LYPLAL1: variants seen among roughly 807,000 people sequenced by gnomAD.
The protein encoded by LYPLAL1 is lysophospholipase like 1.
A neutral mutation model predicts 19.7 loss-of-function variants in LYPLAL1; 23 were observed. The observed-to-expected ratio is 1.17, with a 90% CI of 0.84 to 1.65. The LOEUF (loss-of-function observed/expected upper bound fraction) is 1.65, where lower values mean the gene tolerates loss of function less well. Ranked by LOEUF, LYPLAL1 falls within the 40% of genes most tolerant of loss-of-function variation. The pLI, the probability that LYPLAL1 is intolerant of heterozygous loss-of-function variation, is 0.00. For synonymous variants in LYPLAL1, 119 were observed against 96.3 expected (o/e 1.24, Z -1.38); for missense variants, 355 against 279.4 (o/e 1.27, Z -1.93).
chr1:219,273,958 C>T, the LYPLAL1 span, among the ~76,000 whole-genome samples: 1 of 152,142 alleles, frequency 6.6e-6, no homozygotes, highest in Non-Finnish European at 1.5e-5. Flanking sequence ...GATGGGATTT[C>T]ACCACATTGG....
chr1:219,356,455 A>T, the LYPLAL1 span, among the ~76,000 whole-genome samples: 1 of 152,296 alleles, frequency 6.6e-6, no homozygotes, highest in East Asian at 1.9e-4. Flanking sequence ...AGTTGAGATC[A>T]CACCATTGCA....
At chr1:219,311,087 A>G in the LYPLAL1 span, among the ~76,000 whole-genome samples, 1 of 151,384 alleles carries the variant, frequency 6.6e-6, no homozygotes, top group East Asian at 1.9e-4. Flanking sequence ...CTTATTCATC[A>G]TATAAAATTA....
the LYPLAL1 span, among the ~76,000 whole-genome samples, chr1:219,440,887 C>A: frequency 6.6e-6 from 1 of 152,120 alleles, no homozygotes; most frequent in Non-Finnish European, 1.5e-5. Flanking sequence ...GCTGACTTCA[C>A]GAAAAAGGAG....
chr1:219,258,581 C>A, the LYPLAL1 span, among the ~76,000 whole-genome samples: 1 of 152,120 alleles, frequency 6.6e-6, no homozygotes. Context: ...ATTGTTGAAT[C>A]TTGACAGTTT....
At chr1:219,275,264 A>C in the LYPLAL1 span, among the ~76,000 whole-genome samples, 10 of 152,196 alleles carry the variant, frequency 6.6e-5, no homozygotes, top group Non-Finnish European at 1.3e-4. Context: ...TGTAACAACT[A>C]CATGGGCTCT....
the LYPLAL1 span, among the ~76,000 whole-genome samples, chr1:219,220,030 A>G: frequency 6.6e-6 from 1 of 152,044 alleles, no homozygotes; most frequent in Non-Finnish European, 1.5e-5. Context: ...TAGCTACTGG[A>G]GGGTTCTCAG....
chr1:219,435,031 A>C, the LYPLAL1 span: 1 of 152,178 alleles, frequency 6.6e-6, no homozygotes, highest in Non-Finnish European at 1.5e-5. Context: ...GAGCATGTAC[A>C]TGCAGCACAC....
chr1:219,224,430 A>G, the LYPLAL1 span, among the ~76,000 whole-genome samples: 3 of 152,092 alleles, frequency 2.0e-5, no homozygotes, highest in East Asian at 5.8e-4. Flanking sequence ...GCTGGTTAAC[A>G]TTGTCTTAGT....
chr1:219,372,651 G>A, the LYPLAL1 span, among the ~76,000 whole-genome samples: 6 of 152,228 alleles, frequency 3.9e-5, no homozygotes, highest in Non-Finnish European at 8.8e-5. Flanking sequence ...TGTAATCCCG[G>A]CAATTTGGGA....
At chr1:219,394,354 A>G in the LYPLAL1 span, among the ~76,000 whole-genome samples, 1 of 152,312 alleles carries the variant, frequency 6.6e-6, no homozygotes, top group Admixed American at 6.5e-5. Flanking sequence ...GTAGATACAT[A>G]ATACTTTATT....
At chr1:219,389,078 G>T in the LYPLAL1 span, among the ~76,000 whole-genome samples, 4 of 151,904 alleles carry the variant, frequency 2.6e-5, no homozygotes, top group Non-Finnish European at 5.9e-5. Context: ...AAATGCATTT[G>T]GTATAAAATG....
the LYPLAL1 span, among the ~76,000 whole-genome samples, chr1:219,235,852 T>C: frequency 6.6e-6 from 1 of 152,180 alleles, no homozygotes; most frequent in Non-Finnish European, 1.5e-5. Flanking sequence ...GTTGACCTTG[T>C]GAAGTTCCAT....
At chr1:219,434,026 A>C in the LYPLAL1 span, among the ~76,000 whole-genome samples, 10 of 152,184 alleles carry the variant, frequency 6.6e-5, no homozygotes, top group Non-Finnish European at 1.3e-4. Flanking sequence ...AAATGCCTCC[A>C]GTAGAATTTT....
the LYPLAL1 span, among the ~76,000 whole-genome samples, chr1:219,312,446 A>C: frequency 2.0e-5 from 3 of 152,120 alleles, no homozygotes; most frequent in South Asian, 6.2e-4. Context: ...GGAGTTGAGG[A>C]GGTCTCAGTG....
rs1558231030 is a variant in LYPLAL1 at position 219,193,067 on chromosome 1, G to T, written c.192-15G>T. On this transcript the variant is annotated splice_polypyrimidine_tract_variant and intron_variant, in intron 2 of 4. Transcript: ENST00000366928. ...TTCCTTTCTTTTTTTTTGGGGGGGG[G>T]CGGTTGTTAAACAGATCATATACTC... 3.3e-6 allele frequency: 5 copies of T among 1,520,544 alleles called. No homozygotes were observed. Among genetic ancestry groups the T allele is most frequent in the Non-Finnish European group, 4.4e-6 (5 of 1,127,704 alleles). The allele number at this position is 1,520,544 out of a possible 1,614,324, so 94.2% of individuals were successfully genotyped here. A position where few individuals can be genotyped will look rare whatever the true frequency, so the allele number is the denominator to read the frequency against.
the LYPLAL1 span, among the ~76,000 whole-genome samples, chr1:219,357,998 G>A: frequency 2.2e-3 from 341 of 152,270 alleles, 2 homozygotes; most frequent in African/African-American, 7.7e-3. Flanking sequence ...TGTAGAGGCA[G>A]TAAGCAGGTC....
chr1:219,353,845 TAACA>T, the LYPLAL1 span, among the ~76,000 whole-genome samples: 1 of 151,926 alleles, frequency 6.6e-6, no homozygotes, highest in African/African-American at 2.4e-5. Flanking sequence ...AAATTGAAAT[TAACA>T]AACAAAAACT....
the LYPLAL1 span, among the ~76,000 whole-genome samples, chr1:219,334,614 G>A: frequency 1.4e-3 from 212 of 151,454 alleles, 1 homozygote; most frequent in African/African-American, 4.9e-3. Context: ...CCATGGCTGA[G>A]TTTTGATAAA....
At chr1:219,363,099 C>T in the LYPLAL1 span, among the ~76,000 whole-genome samples, 1 of 152,078 alleles carries the variant, frequency 6.6e-6, no homozygotes, top group Non-Finnish European at 1.5e-5. Context: ...AACAAGCCTA[C>T]CTATGTAAGA....
Sources: gnomAD v4.1 joint callset for allele counts (sites outside exome capture counted in the v4.1 genomes callset) on GRCh38, gnomAD v4.1.1 for gene constraint, MANE v1.5 for transcripts, NCBI Gene and HGNC (gene_info 2026-07-23, HGNC 2026-07-21) for gene names.